The following CSMD3 variants were observed in gnomAD, a reference collection of about 807,000 sequenced individuals.
The protein encoded by CSMD3 is CUB and Sushi multiple domains 3.
CSMD3 carries 177 observed loss-of-function variants against 435.2 expected under a neutral mutation model. That is an observed-to-expected ratio of 0.41 (90% CI 0.36 to 0.46). The LOEUF is 0.46. CSMD3 is among the 20% of genes least tolerant of loss of function. The probability of loss-of-function intolerance (pLI) is 0.34; values close to 1 mark genes in which losing one functional copy is unlikely to be tolerated. For missense variants in CSMD3, 4,265 were observed against 4,504.6 expected (o/e 0.95, Z 1.52); for synonymous variants, 1,656 against 1,520.5 (o/e 1.09, Z -2.07).
chr8:112,545,083 A>C (rs191801119), intron 27 of CSMD3, among the ~76,000 whole-genome samples: 1 of 152,254 alleles, frequency 6.6e-6, no homozygotes, highest in Admixed American at 6.5e-5. Flanking sequence ...ATTTCCCCCT[A>C]ATCCTGCCAA....
At chr8:112,904,202 A>G (rs1489443135) in intron 10 of CSMD3, among the ~76,000 whole-genome samples, 1 of 151,420 alleles carries the variant, frequency 6.6e-6, no homozygotes, top group African/African-American at 2.4e-5. Context: ...AAAGACATTC[A>G]AGATCTATTG....
chr8:113,380,555 A>G (rs944087922), intron 1 of CSMD3, among the ~76,000 whole-genome samples: 12 of 152,206 alleles, frequency 7.9e-5, no homozygotes, highest in African/African-American at 2.2e-4. Context: ...CAGATAAATA[A>G]ATAACTATTG....
intron 68 of CSMD3, among the ~76,000 whole-genome samples, 183 bp downstream of exon 68, chr8:112,234,182 C>A (rs1813356777): frequency 6.6e-6 from 1 of 151,140 alleles, no homozygotes. Context: ...CAAAAGTAAG[C>A]AAAACACATC....
chr8:113,042,524 CTAATG>C (rs1036579702), intron 5 of CSMD3, among the ~76,000 whole-genome samples: 3 of 151,962 alleles, frequency 2.0e-5, no homozygotes, highest in Admixed American at 1.3e-4. Flanking sequence ...TATAATTTTT[CTAATG>C]TATTTTGTGT....
chr8:113,269,093 T>C (rs2093496951), intron 3 of CSMD3, among the ~76,000 whole-genome samples: 1 of 152,114 alleles, frequency 6.6e-6, no homozygotes, highest in Non-Finnish European at 1.5e-5. Flanking sequence ...ATCAAAAAGA[T>C]TTTATTTAAT....
At chr8:113,027,253 G>A (rs960535904) in intron 5 of CSMD3, among the ~76,000 whole-genome samples, 13 of 151,870 alleles carry the variant, frequency 8.6e-5, no homozygotes, top group African/African-American at 3.1e-4. Flanking sequence ...TTTATTCTAA[G>A]CCATTGATAT....
chr8:113,238,118 T>C (rs1484231583), intron 3 of CSMD3, among the ~76,000 whole-genome samples: 2 of 149,994 alleles, frequency 1.3e-5, no homozygotes, highest in African/African-American at 2.5e-5. Context: ...GCTAGAGTGA[T>C]GAGAATGGCT....
intron 5 of CSMD3, among the ~76,000 whole-genome samples, chr8:113,065,725 A>C (rs1428924191): frequency 6.6e-6 from 1 of 152,086 alleles, no homozygotes; most frequent in East Asian, 1.9e-4. Flanking sequence ...TCTGGTCTTT[A>C]TCATATGTCA....
chr8:112,581,932 T>A (rs1420978237), intron 23 of CSMD3, among the ~76,000 whole-genome samples: 1 of 151,966 alleles, frequency 6.6e-6, no homozygotes, highest in Non-Finnish European at 1.5e-5. Flanking sequence ...GACACAGCCA[T>A]GTGGTTATCC....
chr8:112,425,894 C>T (rs1314242134), intron 32 of CSMD3, among the ~76,000 whole-genome samples: 1 of 151,954 alleles, frequency 6.6e-6, no homozygotes. Context: ...ACATTCGTTA[C>T]ATAAGTGTAT....
chr8:113,225,866 T>C (rs2093022046), intron 3 of CSMD3, among the ~76,000 whole-genome samples: 1 of 151,570 alleles, frequency 6.6e-6, no homozygotes, highest in Non-Finnish European at 1.5e-5. Context: ...ATCCGAATTG[T>C]AATCCCCACT....
chr8:113,156,614 G>C (rs1457755774), intron 4 of CSMD3, among the ~76,000 whole-genome samples: 1 of 151,722 alleles, frequency 6.6e-6, no homozygotes, highest in South Asian at 2.1e-4. Flanking sequence ...GTTAGAGAGA[G>C]AATAGGCTAA....
intron 13 of CSMD3, among the ~76,000 whole-genome samples, chr8:112,790,847 T>C (rs1014234886): frequency 2.4e-4 from 37 of 152,284 alleles, no homozygotes; most frequent in African/African-American, 6.0e-4. Context: ...AAAATAGAAA[T>C]ACCATTGAAA....
At position 113,302,238 on chromosome 8, in the gene CSMD3, TA is replaced by T. The variant is rs1476397531; in HGVS notation, c.401+12332del. On this transcript the variant is annotated intron_variant, in intron 2 of 70. Transcript: ENST00000297405. ...TGTATATATAATATAATATAATATA[TA>T]ATATAATATATATTATATAAAATAT... is the stretch of plus-strand genomic sequence containing the variant. Among the ~76,000 whole-genome samples, 41 of 102,528 alleles carry T rather than the reference TA, an allele frequency of 4.0e-4. No individual in the cohort carries two copies. The East Asian group carries it at 7.4e-3, about 19-fold the overall frequency. 67.3% of individuals were successfully genotyped at this position (102,528 alleles called of 152,430 possible). A position where few individuals can be genotyped will look rare whatever the true frequency, so the allele number is the denominator to read the frequency against.
intron 12 of CSMD3, among the ~76,000 whole-genome samples, chr8:112,816,663 C>T (rs1416222292): frequency 6.6e-6 from 1 of 151,882 alleles, no homozygotes; most frequent in Non-Finnish European, 1.5e-5. Flanking sequence ...AAGAATGTTG[C>T]TGAATAGTAA....
intron 5 of CSMD3, among the ~76,000 whole-genome samples, chr8:113,078,161 G>C: frequency 6.6e-6 from 1 of 152,100 alleles, no homozygotes; most frequent in African/African-American, 2.4e-5. Context: ...ACAACACTCA[G>C]GAATGTCATT....
chr8:113,389,283 T>C (rs2094451967), intron 1 of CSMD3, among the ~76,000 whole-genome samples: 1 of 151,666 alleles, frequency 6.6e-6, no homozygotes, highest in Non-Finnish European at 1.5e-5. Flanking sequence ...CCTCTTTATG[T>C]TCTTCCTAAA....
intron 58 of CSMD3, among the ~76,000 whole-genome samples, chr8:112,286,781 G>T (rs1819247791): frequency 1.3e-5 from 2 of 152,010 alleles, no homozygotes; most frequent in African/African-American, 4.8e-5. Context: ...AAAGAGGAAA[G>T]AATAAATATT....
Position 112,314,452 on chromosome 8 carries a change from A to T in CSMD3, c.7526T>A (p.Phe2509Tyr), listed in dbSNP as rs2130835963. The change falls in exon 48 of 71, where the codon TTT (phenylalanine) becomes TAT (tyrosine). Residue 2509 changes from phenylalanine (F) to tyrosine (Y), a missense_variant. Phe to Tyr is a conservative substitution (Grantham distance 22). Coordinates refer to ENST00000297405, the MANE Select transcript of CSMD3 (RefSeq NM_198123.2). ...ACCATCATACACCTGAAGAACATCA[A>T]ATTCCTTTTCTGTCTGGAAGAATTC... ...FVEFFQTEKE[F>Y]DVLQVYDGPN... is the part of the protein sequence containing the mutation. The T allele has an allele frequency of 6.2e-7, 1 of 1,611,032 alleles. No individual in the cohort carries two copies. The highest frequency in any genetic ancestry group is 8.5e-7 in the Non-Finnish European group (1 of 1,177,372).
Sources: allele counts gnomAD v4.1 joint callset (sites outside exome capture counted in the v4.1 genomes callset), GRCh38; gene constraint gnomAD v4.1.1; transcripts MANE v1.5; gene names NCBI Gene and HGNC (gene_info 2026-07-23, HGNC 2026-07-21).